FBXO34: variants seen among roughly 807,000 people sequenced by gnomAD.
FBXO34 encodes the protein F-box only protein 34.
A neutral mutation model predicts 24.5 loss-of-function variants in FBXO34; 12 were observed. That is an observed-to-expected ratio of 0.49 (90% CI 0.31 to 0.79). The LOEUF is 0.79. Among genes scored for constraint, FBXO34 ranks in the 30% least tolerant of loss-of-function variants. The probability of loss-of-function intolerance (pLI) is 0.04; values close to 1 mark genes in which losing one functional copy is unlikely to be tolerated. For missense variants in FBXO34, 823 were observed against 857.7 expected (o/e 0.96, Z 0.51); for synonymous variants, 320 against 311.9 (o/e 1.03, Z -0.27).
intron 1 of FBXO34, among the ~76,000 whole-genome samples, chr14:55,338,888 A>G (rs1883886669): frequency 1.3e-5 from 2 of 151,236 alleles, no homozygotes; most frequent in African/African-American, 4.9e-5. Flanking sequence ...CCTGGGCGAC[A>G]GAGCGAGACT....
At chr14:55,340,227 G>T (rs749892404) in intron 1 of FBXO34, among the ~76,000 whole-genome samples, 1 of 152,010 alleles carries the variant, frequency 6.6e-6, no homozygotes. Flanking sequence ...ACTAATACTT[G>T]TTATCCTGAA....
At chr14:55,442,750 C>T in the FBXO34 span, among the ~76,000 whole-genome samples, 3 of 151,980 alleles carry the variant, frequency 2.0e-5, no homozygotes, top group Admixed American at 1.3e-4. Flanking sequence ...TGCCTAGTAG[C>T]TCAAATATTA....
intron 1 of FBXO34, among the ~76,000 whole-genome samples, chr14:55,341,555 A>G (rs1389927031): frequency 1.3e-5 from 2 of 152,236 alleles, no homozygotes; most frequent in Non-Finnish European, 2.9e-5. Context: ...TAGGTAAAAT[A>G]TGCAAGAGAG....
At chr14:55,400,819 G>A in the FBXO34 span, among the ~76,000 whole-genome samples, 1 of 151,986 alleles carries the variant, frequency 6.6e-6, no homozygotes, top group Non-Finnish European at 1.5e-5. Context: ...CAGGAGAATT[G>A]CTTGAACCCG....
intron 1 of FBXO34, among the ~76,000 whole-genome samples, chr14:55,309,705 T>C (rs1309928882): frequency 1.3e-5 from 2 of 152,224 alleles, no homozygotes; most frequent in Non-Finnish European, 2.9e-5. Context: ...TTTTGCTTGC[T>C]TGACTGTTAG....
chr14:55,283,720 A>G (rs1264213998), intron 1 of FBXO34, among the ~76,000 whole-genome samples: 1 of 152,088 alleles, frequency 6.6e-6, no homozygotes, highest in Non-Finnish European at 1.5e-5. Context: ...TGGCCTCCCA[A>G]AGTGCTGGGA....
intron 1 of FBXO34, among the ~76,000 whole-genome samples, chr14:55,275,863 T>C (rs1383333735): frequency 6.9e-6 from 1 of 145,518 alleles, no homozygotes; most frequent in South Asian, 2.2e-4. Context: ...TATGTTATGC[T>C]AGATTGGCCA....
At chr14:55,277,984 C>T (rs1022360442) in intron 1 of FBXO34, among the ~76,000 whole-genome samples, 8 of 152,070 alleles carry the variant, frequency 5.3e-5, no homozygotes, top group African/African-American at 1.9e-4. Context: ...TAGAAACAAA[C>T]CCCTGAATGA....
intron 1 of FBXO34, among the ~76,000 whole-genome samples, chr14:55,313,811 C>T (rs931085244): frequency 1.3e-5 from 2 of 152,212 alleles, no homozygotes; most frequent in South Asian, 4.1e-4. Flanking sequence ...TTACCTCCAT[C>T]TGCTCCCTCC....
downstream of FBXO34, among the ~76,000 whole-genome samples, chr14:55,356,660 A>T (rs373475355): frequency 3.2e-4 from 49 of 150,780 alleles, 1 homozygote; most frequent in African/African-American, 1.2e-3. Context: ...GGGTTTCACC[A>T]TATTGGCCAG....
At chr14:55,396,529 G>C in the FBXO34 span, among the ~76,000 whole-genome samples, 1 of 152,160 alleles carries the variant, frequency 6.6e-6, no homozygotes, top group Non-Finnish European at 1.5e-5. Flanking sequence ...GAGAAGCTTG[G>C]GTTACACTTT....
intron 1 of FBXO34, among the ~76,000 whole-genome samples, chr14:55,305,166 A>G (rs1426767402): frequency 6.6e-6 from 1 of 152,224 alleles, no homozygotes; most frequent in African/African-American, 2.4e-5. Context: ...TAATCCCGAC[A>G]CTTCAGGAGG....
At chr14:55,384,598 A>AGAGTCAAGAGAGCAGCTTT in the FBXO34 span, among the ~76,000 whole-genome samples, 1 of 152,208 alleles carries the variant, frequency 6.6e-6, no homozygotes, top group Admixed American at 6.5e-5. Context: ...CAAAATACTT[A>AGAGTCAAGAGAGCAGCTTT]GAGTCAAGAG....
chr14:55,331,821 C>G lies in FBXO34; in HGVS notation c.-10-18560C>G, dbSNP rs367551218. Among the ~76,000 whole-genome samples, 2 of 49,468 alleles carry G rather than the reference C, an allele frequency of 4.0e-5. 1 individual carries two copies. The highest frequency in any genetic ancestry group is 1.0e-3 in the East Asian group (2 of 1,948). The allele number at this position is 49,468 out of a possible 152,430, so 32.5% of individuals were successfully genotyped here. On this transcript the variant is annotated intron_variant, in intron 1 of 1. Transcript: ENST00000313833. ...ATAAATATATATATATATACACCACCGGGGTGTATATATAAAAATATATAT... is the reference window on the plus strand; with the variant it reads ...ATAAATATATATATATATACACCACGGGGGTGTATATATAAAAATATATAT...
At chr14:55,337,717 T>A (rs1474008539) in intron 1 of FBXO34, among the ~76,000 whole-genome samples, 1 of 152,352 alleles carries the variant, frequency 6.6e-6, no homozygotes, top group Non-Finnish European at 1.5e-5. Context: ...AGTTAAATAT[T>A]TGATAAACAA....
chr14:55,351,791 G>T lies in FBXO34; in HGVS notation c.1401G>T (p.Gln467His). The change falls in exon 2 of 2, where the codon CAG becomes CAT. Residue 467 changes from glutamine to histidine, a missense_variant. This residue lies in a region of FBXO34 where 693 missense variants were observed against 659.1 expected (regional missense o/e 1.05). Coordinates refer to ENST00000313833, the MANE Select transcript of FBXO34 (RefSeq NM_017943.4). ...CTGTGTCCAAGGTAGACAAAGACCA[G>T]CCTTCCATTTTAAACTCCTGTGAAG... ...SITVSKVDKD[Q>H]PSILNSCEDP... is the part of the protein sequence containing the mutation. 1 of 1,614,190 alleles carries T rather than the reference G, an allele frequency of 6.2e-7. No homozygotes were observed.
chr14:55,288,907 C>G (rs890698140), intron 1 of FBXO34, among the ~76,000 whole-genome samples: 1 of 152,140 alleles, frequency 6.6e-6, no homozygotes, highest in Non-Finnish European at 1.5e-5. Flanking sequence ...AAAAATTAGC[C>G]AGGCGTGGTG....
chr14:55,272,788 T>TTAC (rs1881201400), intron 1 of FBXO34, among the ~76,000 whole-genome samples: 1 of 152,194 alleles, frequency 6.6e-6, no homozygotes, highest in Non-Finnish European at 1.5e-5. Flanking sequence ...AGCTGTTTTC[T>TTAC]TGCTTTCTTA....
At position 55,352,583 on chromosome 14, in the gene FBXO34, A is replaced by G; in HGVS notation, c.*57A>G. 7 of 1,419,666 alleles carry G rather than the reference A, an allele frequency of 4.9e-6. No homozygotes were observed. The highest frequency in any genetic ancestry group is 6.7e-6 in the Non-Finnish European group (7 of 1,048,440). 87.9% of individuals were successfully genotyped at this position (1,419,666 alleles called of 1,614,324 possible). On this transcript the variant is annotated 3_prime_UTR_variant, in exon 2 of 2. Coordinates refer to ENST00000313833, the MANE Select transcript of FBXO34 (RefSeq NM_017943.4). ...TTCTAAAGCTGCAAAACACCTAGAT[A>G]CACCGTTCAAATGAGCGTAGCCCCC...
Sources: gnomAD v4.1 joint callset for allele counts (sites outside exome capture counted in the v4.1 genomes callset) on GRCh38, gnomAD v4.1.1 for gene constraint, gnomAD v4.1.1 regional missense constraint, MANE v1.5 for transcripts, NCBI Gene and HGNC (gene_info 2026-07-23, HGNC 2026-07-21) for gene names.